Variants in DOCK9 observed in about 807,000 individuals in gnomAD.
The protein encoded by DOCK9 is dedicator of cytokinesis protein 9.
In DOCK9, 89 loss-of-function variants were observed where a neutral mutation model predicts 263.3. The observed-to-expected ratio is 0.34, with a 90% CI of 0.28 to 0.40. The LOEUF is 0.40. DOCK9 is among the 10% of genes least tolerant of loss of function. DOCK9 has a pLI of 1.00. For synonymous variants in DOCK9, 976 were observed against 973.1 expected (o/e 1.00, Z -0.06); for missense variants, 2,140 against 2,603.4 (o/e 0.82, Z 3.87).
At position 98,860,442 on chromosome 13, in the gene DOCK9, G is replaced by A; in HGVS notation, c.3660C>T (p.Ser1220=). The stretch of plus-strand genomic sequence containing the variant: ...TGGCGCCCAGCAGGTCCTTGTGCAG[G>A]CTGTTGTCCAGGGTGCTTCCCTTCT... ...TPQKGSTLDN[S]LHKDLLGAIS... is the part of the protein sequence containing the mutation. Residue 1220 remains serine (S), a synonymous_variant, in exon 33 of 53, where the codon AGC becomes AGT. Transcript: ENST00000682017. 1.3e-6 allele frequency: 2 copies of A among 1,593,600 alleles called. No individual in the cohort carries two copies. The highest frequency in any genetic ancestry group is 1.7e-6 in the Non-Finnish European group (2 of 1,169,162).
chr13:99,060,075 T>C (rs1226930601), intron 1 of DOCK9, among the ~76,000 whole-genome samples: 2 of 130,000 alleles, frequency 1.5e-5, no homozygotes, highest in East Asian at 4.3e-4. Context: ...TTTTTTTTTT[T>C]TTTTTTTTTT....
intron 1 of DOCK9, among the ~76,000 whole-genome samples, chr13:99,010,515 CAT>C (rs1884290668): frequency 1.3e-5 from 2 of 152,200 alleles, no homozygotes; most frequent in Non-Finnish European, 2.9e-5. Flanking sequence ...ACTCAGCACA[CAT>C]AAGCAATCAA....
chr13:98,903,241 G>T, intron 10 of DOCK9, 129 bp from the exon 11 acceptor site: 2 of 704,842 alleles, frequency 2.8e-6, no homozygotes, highest in Non-Finnish European at 4.2e-6. Flanking sequence ...CAATAGTGTT[G>T]CTATTATATA....
At chr13:98,927,881 A>T (rs1289871507) in intron 3 of DOCK9, among the ~76,000 whole-genome samples, 1 of 152,076 alleles carries the variant, frequency 6.6e-6, no homozygotes, top group Non-Finnish European at 1.5e-5. Context: ...GGCCTCCCAA[A>T]GTACTGGGAT....
At position 98,856,013 on chromosome 13, in the gene DOCK9, G is replaced by A. The variant is rs2093698754; in HGVS notation, c.3716C>T (p.Ser1239Leu). 4.3e-6 allele frequency: 7 copies of A among 1,613,962 alleles called. No homozygotes were observed. The South Asian group carries it at 6.6e-5, about 15-fold the overall frequency. The change falls in exon 34 of 53, where the codon TCA becomes TTA. Residue 1239 changes from serine to leucine, a missense_variant. By Grantham distance (145) the Ser-to-Leu change is moderately radical. Coordinates refer to ENST00000682017, the MANE Select transcript of DOCK9 (RefSeq NM_001366683.2). ...ISGIASPYTT[S>L]TPNINSVRNA... ...TCTCACACTGTTGATGTTTGGAGTT[G>A]AGGTTGTATATGGAGAAGCTAAATG...
intron 1 of DOCK9, among the ~76,000 whole-genome samples, chr13:99,038,668 CCT>C (rs1160963750): frequency 6.6e-6 from 1 of 152,138 alleles, no homozygotes; most frequent in Non-Finnish European, 1.5e-5. Flanking sequence ...TATTTCACAC[CCT>C]GTCCCTTGAA....
chr13:99,034,279 C>A (rs1004530052), intron 1 of DOCK9, among the ~76,000 whole-genome samples: 1 of 152,184 alleles, frequency 6.6e-6, no homozygotes, highest in African/African-American at 2.4e-5. Context: ...AAGCAGGTCA[C>A]ATCACAAGTC....
chr13:98,867,438 A>C lies in DOCK9; in HGVS notation c.3273T>G (p.Ile1091Met). The C allele has an allele frequency of 6.3e-7, 1 of 1,594,232 alleles. No individual in the cohort carries two copies. The highest frequency in any genetic ancestry group is 8.6e-7 in the Non-Finnish European group (1 of 1,163,766). The part of the protein sequence containing the change: ...NLPMPFGKGR[I>M]QRYQDLQLDY... ...AAGATGGATTACCTTGGTATCTTTG[A>C]ATCCTGCCTTTTCCAAATGGCATTG... The change falls in exon 30 of 53, where the codon ATT becomes ATG. Residue 1091 changes from isoleucine (I) to methionine (M), a missense_variant. Physicochemically the swap from Ile to Met is conservative, Grantham distance 10. Around this residue, in one of 2 missense-constraint regions of DOCK9, gnomAD observed 1,521 missense variants for 1,741.7 expected, o/e 0.87. Coordinates refer to ENST00000682017, the MANE Select transcript of DOCK9 (RefSeq NM_001366683.2).
At chr13:98,831,127 A>C (rs1265609464) in intron 41 of DOCK9, among the ~76,000 whole-genome samples, 2 of 152,210 alleles carry the variant, frequency 1.3e-5, no homozygotes, top group South Asian at 4.1e-4. Context: ...ATATTGATTC[A>C]ATATTTAAAT....
intron 33 of DOCK9, chr13:98,859,355 G>C (rs2093789052): frequency 1.3e-5 from 2 of 152,192 alleles, no homozygotes; most frequent in Non-Finnish European, 2.9e-5. Flanking sequence ...ACTAAGGAGA[G>C]CATAACTGTG....
chr13:98,955,281 T>G (rs1023571141), intron 2 of DOCK9, among the ~76,000 whole-genome samples, 154 bp downstream of exon 2: 5 of 152,046 alleles, frequency 3.3e-5, no homozygotes, highest in African/African-American at 1.2e-4. Context: ...ATGGCACCAC[T>G]GCACTCAAGC....
intron 38 of DOCK9, among the ~76,000 whole-genome samples, chr13:98,840,101 TG>T (rs1368412118): frequency 6.6e-6 from 1 of 152,194 alleles, no homozygotes; most frequent in African/African-American, 2.4e-5. Context: ...TCTCAAGGCC[TG>T]GAACAGAGCT....
intron 45 of DOCK9, among the ~76,000 whole-genome samples, chr13:98,821,180 A>G (rs1399956209): frequency 6.6e-6 from 1 of 152,186 alleles, no homozygotes; most frequent in South Asian, 2.1e-4. Flanking sequence ...AGAAGCAGAC[A>G]CTGCAGGACT....
intron 1 of DOCK9, among the ~76,000 whole-genome samples, chr13:99,056,165 G>A (rs1175767269): frequency 2.0e-5 from 3 of 152,262 alleles, no homozygotes; most frequent in Admixed American, 2.0e-4. Context: ...TAAACGGAGT[G>A]CCAAATGTTT....
intron 1 of DOCK9, among the ~76,000 whole-genome samples, chr13:98,983,908 T>A (rs371727753): frequency 2.6e-4 from 40 of 152,278 alleles, no homozygotes; most frequent in African/African-American, 8.7e-4. Flanking sequence ...TGAGCCACTG[T>A]GCCCGGCCTC....
chr13:98,811,538 G>A (rs1286595897), intron 45 of DOCK9, among the ~76,000 whole-genome samples: 3 of 152,112 alleles, frequency 2.0e-5, no homozygotes, highest in African/African-American at 7.2e-5. Flanking sequence ...TGTCTCCCAA[G>A]TAGCTGGGAT....
At chr13:98,802,993 C>A (rs1238986935) in intron 49 of DOCK9, among the ~76,000 whole-genome samples, 1 of 152,186 alleles carries the variant, frequency 6.6e-6, no homozygotes, top group Non-Finnish European at 1.5e-5. Flanking sequence ...AGTGTCCTAA[C>A]TTGCATTTTA....
At chr13:98,866,680 C>G (rs1887857) in intron 30 of DOCK9, among the ~76,000 whole-genome samples, 8,897 of 152,192 alleles carry the variant, frequency 0.058, 679 homozygotes, top group African/African-American at 0.16. Context: ...AATAAAGACT[C>G]AACATACAAA....
At chr13:98,840,543 C>T (rs2093172914) in intron 38 of DOCK9, among the ~76,000 whole-genome samples, 1 of 152,198 alleles carries the variant, frequency 6.6e-6, no homozygotes, top group Admixed American at 6.5e-5. Flanking sequence ...TGAAATTTGT[C>T]TACACTGAAT....
Sources: gnomAD v4.1 joint callset for allele counts (sites outside exome capture counted in the v4.1 genomes callset) on GRCh38, gnomAD v4.1.1 for gene constraint, gnomAD v4.1.1 regional missense constraint, MANE v1.5 for transcripts, NCBI Gene and HGNC (gene_info 2026-07-23, HGNC 2026-07-21) for gene names.